Variants in SRSF6 observed in about 807,000 individuals in gnomAD.
SRSF6 encodes the protein serine/arginine-rich splicing factor 6.
SRSF6 carries 17 observed loss-of-function variants against 42.0 expected under a neutral mutation model. The observed-to-expected ratio is 0.40, with a 90% CI of 0.28 to 0.61. The LOEUF is 0.61. Ranked by LOEUF, SRSF6 falls within the 20% of genes least tolerant of loss-of-function variation. The pLI is 0.37. For missense variants in SRSF6, 379 were observed against 471.4 expected, an observed-to-expected ratio of 0.80 and a Z score of 1.81; for synonymous variants, 204 against 166.7, an observed-to-expected ratio of 1.22 and a Z score of -1.72.
chr20:43,458,190 C>G (rs1600859974), intron 1 of SRSF6, 50 bp downstream of exon 1: 1 of 1,572,954 alleles, frequency 6.4e-7, no homozygotes, highest in Non-Finnish European at 8.7e-7. Flanking sequence ...CTGGTGGCGG[C>G]GGGAACTCTC....
chr20:43,458,274 G>T, intron 1 of SRSF6, 87 bp from the exon 2 acceptor site: 1 of 1,400,848 alleles, frequency 7.1e-7, no homozygotes, highest in South Asian at 1.6e-5. Context: ...GGCGTCGCGG[G>T]GGCGCGCGGT....
intron 1 of SRSF6, 31 bp from the exon 2 acceptor site, chr20:43,458,330 C>G (rs777108990): frequency 1.3e-5 from 20 of 1,511,406 alleles, no homozygotes; most frequent in Non-Finnish European, 1.6e-5. Flanking sequence ...ACGACTCCCC[C>G]GCGGTTGTCC....
rs544656685 is a variant in SRSF6, at chr20:43,458,547, C to T, written c.256+38C>T. 1,153 of 1,453,044 alleles carry T rather than the reference C, an allele frequency of 7.9e-4. 10 individuals carry two copies. The African/African-American group carries it at 0.015, about 19-fold the overall frequency. The allele number at this position is 1,453,044 out of a possible 1,614,324, so 90.0% of individuals were successfully genotyped here. On this transcript the variant is annotated intron_variant, in intron 2 of 5. Transcript: ENST00000244020. Reference sequence around the variant, plus strand: ...CCCGCGCGCTCCGCGCCCTTGGGGACCCTGGGGGCGGGGGTGGGTGGGGTG... The same window carrying T: ...CCCGCGCGCTCCGCGCCCTTGGGGATCCTGGGGGCGGGGGTGGGTGGGGTG...
In SRSF6 at chr20:43,458,089, A is replaced by T; in HGVS notation, c.56A>T (p.Gln19Leu). ...LSYNVREKDIQRFFSGYGRLL... is the reference protein window; with the variant it reads ...LSYNVREKDILRFFSGYGRLL... ...TACAACGTCCGGGAGAAGGACATCC[A>T]GCGCTTTTTCAGTGGCTATGGCCGC... is the stretch of plus-strand genomic sequence containing the variant. The change falls in exon 1 of 6, where the codon CAG (glutamine) becomes CTG (leucine). Residue 19 changes from glutamine to leucine, a missense_variant. By Grantham distance (113) the Gln-to-Leu change is moderately radical (BLOSUM62 -2). Around this residue, in one of 3 missense-constraint regions of SRSF6, gnomAD observed 117 missense variants for 146.8 expected, o/e 0.80. Transcript: ENST00000244020. 1 of 1,613,500 alleles carries T rather than the reference A, an allele frequency of 6.2e-7. No individual in the cohort carries two copies.
At position 43,461,446 on chromosome 20, in the gene SRSF6, T is replaced by G. The variant is rs1325856617; in HGVS notation, c.*383T>G. On this transcript the variant is annotated 3_prime_UTR_variant, in exon 6 of 6. Transcript: ENST00000244020. ...TTGCTTATTTTTAAATTAACTGTTTTGAGCTTTGAATACTTAAGGCTTTAG... is the reference window on the plus strand; with the variant it reads ...TTGCTTATTTTTAAATTAACTGTTTGGAGCTTTGAATACTTAAGGCTTTAG... The G allele has an allele frequency of 1.2e-5, 2 of 161,696 alleles. No homozygotes were observed. The highest frequency in any genetic ancestry group is 2.7e-5 in the Non-Finnish European group (2 of 75,178). The allele number at this position is 161,696 out of a possible 1,614,324, so 10.0% of individuals were successfully genotyped here.
chr20:43,461,000 A>G lies in SRSF6; in HGVS notation c.972A>G (p.Ser324=), dbSNP rs376612637. Residue 324 remains serine (S), a synonymous_variant, in exon 6 of 6, where the codon TCA becomes TCG. Coordinates refer to ENST00000244020, the MANE Select transcript of SRSF6 (RefSeq NM_006275.6). The stretch of plus-strand genomic sequence containing the variant: ...CCCCTCCACCAAAAAGAGCTACTTC[A>G]AGATCCCGTTCTAGATCTCGCTCAA... ...SVSPPPKRAT[S]RSRSRSRSKS... is the part of the protein sequence containing the mutation. 6.8e-6 allele frequency: 11 copies of G among 1,612,924 alleles called. No individual in the cohort carries two copies. The highest frequency in any genetic ancestry group is 1.7e-5 in the Admixed American group (1 of 59,640).
Position 43,461,334 on chromosome 20 carries a change from GTTGTTTTTTTTTTTTTTTT to G in SRSF6, c.*274_*292del, listed in dbSNP as rs1191266628. 2.8e-4 allele frequency: 16 copies of G among 56,490 alleles called. 2 individuals carry two copies. Among genetic ancestry groups the G allele is most frequent in the Non-Finnish European group, 3.8e-4 (12 of 31,770 alleles). 3.5% of individuals were successfully genotyped at this position (56,490 alleles called of 1,614,324 possible). On this transcript the variant is annotated 3_prime_UTR_variant, in exon 6 of 6. Coordinates refer to ENST00000244020, the MANE Select transcript of SRSF6 (RefSeq NM_006275.6). ...TTTGTAAAGATTAAGCTCATTTAGTGTTGTTTTTTTTTTTTTTTTTTTTTTTTTTTTTTTTTTTTTAGTA... is the reference window on the plus strand; with the variant it reads ...TTTGTAAAGATTAAGCTCATTTAGTGTTTTTTTTTTTTTTTTTTTTTAGTA...
At chr20:43,459,624 C>A in intron 2 of SRSF6, 147 bp from the exon 3 acceptor site, 1 of 1,372,646 alleles carries the variant, frequency 7.3e-7, no homozygotes, top group Non-Finnish European at 9.9e-7. Context: ...AATTTTATGG[C>A]AAATCACAAA....
At chr20:43,459,040 T>G in intron 2 of SRSF6, 19 of 891,624 alleles carry the variant, frequency 2.1e-5, no homozygotes, top group Non-Finnish European at 2.7e-5. Context: ...AATTGGGGCA[T>G]GTTATTGGGA....
chr20:43,458,552 G>C (rs1365281595), intron 2 of SRSF6, 43 bp downstream of exon 2: 17 of 1,445,760 alleles, frequency 1.2e-5, no homozygotes, highest in Admixed American at 6.2e-5. Context: ...GGGGACCCTG[G>C]GGGCGGGGGT....
At chr20:43,459,358 C>G in intron 2 of SRSF6, 1 of 1,349,528 alleles carries the variant, frequency 7.4e-7, no homozygotes, top group Non-Finnish European at 9.8e-7. Context: ...TTAATCTGAA[C>G]TAGGTGACTG....
chr20:43,459,572 G>A (rs2017551182), intron 2 of SRSF6, among the ~76,000 whole-genome samples, 199 bp from the exon 3 acceptor site: 2 of 152,256 alleles, frequency 1.3e-5, no homozygotes, highest in Non-Finnish European at 2.9e-5. Flanking sequence ...GATTGTAGGA[G>A]AGGTTTAGTT....
Position 43,459,927 on chromosome 20 carries a change from T to C in SRSF6, c.381+32T>C, listed in dbSNP as rs116932152. The C allele has an allele frequency of 9.9e-4, 1,586 of 1,598,334 alleles. 41 individuals are homozygous for C. The East Asian group carries it at 0.033, about 33-fold the overall frequency. On this transcript the variant is annotated intron_variant, in intron 3 of 5. Transcript: ENST00000244020. ...TTTGTAATTCAAGATAGAAATGATA[T>C]GACTAATGCTTTAAAGTAAACTCCT...
rs1029520261 is a variant in SRSF6, at chr20:43,462,770, C to G, written c.*1707C>G. 6.6e-6 allele frequency: 1 copy of G among 152,128 alleles called. No homozygotes were observed. Among genetic ancestry groups the G allele is most frequent in the Non-Finnish European group, 1.5e-5 (1 of 68,016 alleles). 9.4% of individuals were successfully genotyped at this position (152,128 alleles called of 1,614,324 possible). A position where few individuals can be genotyped will look rare whatever the true frequency, so the allele number is the denominator to read the frequency against. ...AAGCCCAACCTTAGGAATATAGTGC[C>G]CCAAAAGGCGGATGCTTCTTCCATT... On this transcript the variant is annotated 3_prime_UTR_variant, in exon 6 of 6. Transcript: ENST00000244020.
rs2017583421 is a variant in SRSF6 at position 43,461,155 on chromosome 20, G to T, written c.*92G>T. The T allele has an allele frequency of 6.9e-7, 1 of 1,442,332 alleles. No homozygotes were observed. Among genetic ancestry groups the T allele is most frequent in the African/African-American group, 1.4e-5 (1 of 69,462 alleles). 89.3% of individuals were successfully genotyped at this position (1,442,332 alleles called of 1,614,324 possible). A position where few individuals can be genotyped will look rare whatever the true frequency, so the allele number is the denominator to read the frequency against. ...TTATACTTGGCCTCTTCTGCAAGAGGAATCTCTTGAAAACAGGGGCACACA... is the reference window on the plus strand; with the variant it reads ...TTATACTTGGCCTCTTCTGCAAGAGTAATCTCTTGAAAACAGGGGCACACA... On this transcript the variant is annotated 3_prime_UTR_variant, in exon 6 of 6. Coordinates refer to ENST00000244020, the MANE Select transcript of SRSF6 (RefSeq NM_006275.6).
Position 43,458,361 on chromosome 20 carries a change from G to A in SRSF6, c.108G>A (p.Gly36=). The change falls in exon 2 of 6, where the codon GGG becomes GGA. Residue 36 remains glycine (G), a splice_region_variant and synonymous_variant. Transcript: ENST00000244020. ...TGTCCGGCCCTCGCACCGCCCCTAG[G>A]TACGGCTTCGTGGAGTTCGAGGACT... is the stretch of plus-strand genomic sequence containing the variant. ...GRLLEVDLKN[G]YGFVEFEDSR... is the part of the protein sequence containing the mutation. The A allele has an allele frequency of 6.4e-7, 1 of 1,553,020 alleles. No individual in the cohort carries two copies. The highest frequency in any genetic ancestry group is 8.7e-7 in the Non-Finnish European group (1 of 1,153,750).
rs749123223 is a variant in SRSF6, at chr20:43,458,017, C to T, written c.-17C>T. 8 of 1,604,570 alleles carry T rather than the reference C, an allele frequency of 5.0e-6. No individual in the cohort carries two copies. Among genetic ancestry groups the T allele is most frequent in the African/African-American group, 1.3e-5 (1 of 74,370 alleles). The stretch of plus-strand genomic sequence containing the variant: ...GCCGTTCGACAACCAGCCCTTGGGT[C>T]CCCGCCCGCCACGGACATGCCGCGC... On this transcript the variant is annotated 5_prime_UTR_variant, in exon 1 of 6. Coordinates refer to ENST00000244020, the MANE Select transcript of SRSF6 (RefSeq NM_006275.6).
rs2017608166 is a variant in SRSF6 at position 43,461,939 on chromosome 20, G to C, written c.*876G>C. The C allele has an allele frequency of 6.6e-6, 1 of 152,294 alleles. No homozygotes were observed. Among genetic ancestry groups the C allele is most frequent in the African/African-American group, 2.4e-5 (1 of 41,562 alleles). 9.4% of individuals were successfully genotyped at this position (152,294 alleles called of 1,614,324 possible). On this transcript the variant is annotated 3_prime_UTR_variant, in exon 6 of 6. Coordinates refer to ENST00000244020, the MANE Select transcript of SRSF6 (RefSeq NM_006275.6). ...CATAATTAGTGTTGAGAGTGGTTCA[G>C]TTGTCTTTAATGTTTGTCATGTGGA...
chr20:43,459,010 C>T, intron 2 of SRSF6: 1 of 620,404 alleles, frequency 1.6e-6, no homozygotes. Flanking sequence ...TCTAAATAAG[C>T]TTTATGCTGT....
Sources: allele counts gnomAD v4.1 joint callset (sites outside exome capture counted in the v4.1 genomes callset), GRCh38; gene constraint gnomAD v4.1.1; regional missense constraint gnomAD v4.1.1; transcripts MANE v1.5; gene names NCBI Gene and HGNC (gene_info 2026-07-23, HGNC 2026-07-21).